ZBTB25: variants seen among roughly 807,000 people sequenced by gnomAD.
ZBTB25 encodes zinc finger and BTB domain containing 25.
A neutral mutation model predicts 34.2 loss-of-function variants in ZBTB25; 20 were observed. The ratio of observed to expected loss-of-function variants is 0.58; its 90% CI spans 0.41 to 0.85. The LOEUF (loss-of-function observed/expected upper bound fraction) is 0.85. ZBTB25 is among the 40% of genes least tolerant of loss of function. ZBTB25 has a pLI of 0.00. For synonymous variants in ZBTB25, 175 were observed against 186.4 expected (o/e 0.94, Z 0.50); for missense variants, 437 against 521.8 (o/e 0.84, Z 1.58).
Position 64,493,795 on chromosome 14 carries a change from GAGA to G in ZBTB25, c.-7-3258_-7-3256del, listed in dbSNP as rs559076467. On this transcript the variant is annotated intron_variant, in intron 1 of 2. Coordinates refer to ENST00000608382, the MANE Select transcript of ZBTB25 (RefSeq NM_006977.5). ...ATAAAGGCAGAGTCCCAGAACATTA[GAGA>G]AGAAGTACAGAAACCGTCTTGATAA... 3.6e-3 allele frequency among the ~76,000 whole-genome samples: 539 copies of G among 150,816 alleles called. 4 individuals are homozygous for G. Among genetic ancestry groups the G allele is most frequent in the South Asian group, 4.6e-3 (22 of 4,802 alleles).
intron 2 of ZBTB25, among the ~76,000 whole-genome samples, chr14:64,466,933 T>C (rs930022766): frequency 2.6e-5 from 4 of 152,194 alleles, no homozygotes; most frequent in African/African-American, 9.7e-5. Context: ...AGTTTGCCAA[T>C]TGCATAGTTT....
chr14:64,453,332 G>A (rs1273284937), intron 2 of ZBTB25, among the ~76,000 whole-genome samples: 1 of 152,068 alleles, frequency 6.6e-6, no homozygotes, highest in Non-Finnish European at 1.5e-5. Flanking sequence ...AGCACTTTGG[G>A]AGGCCAAGGC....
rs2078847749 is a variant in ZBTB25, at chr14:64,485,428, A to C, written c.*1495T>G. On this transcript the variant is annotated 3_prime_UTR_variant, in exon 3 of 3. Transcript: ENST00000608382. ...GGGGTTTGAAATTTAAACATTTCAG[A>C]AACAATTTAGATCTATCCTTTGTGG... 1 of 985,338 alleles carries C rather than the reference A, an allele frequency of 1.0e-6. No individual in the cohort carries two copies. Among genetic ancestry groups the C allele is most frequent in the Non-Finnish European group, 1.2e-6 (1 of 829,928 alleles). The allele number at this position is 985,338 out of a possible 1,614,324, so 61.0% of individuals were successfully genotyped here.
intron 2 of ZBTB25, chr14:64,458,121 C>T: frequency 1.0e-6 from 1 of 1,004,410 alleles, no homozygotes; most frequent in South Asian, 1.3e-5. Context: ...GAACTCCTGG[C>T]CTCAAGTGAT....
intron 1 of ZBTB25, among the ~76,000 whole-genome samples, chr14:64,498,628 A>ATTTATT (rs1252981248): frequency 2.0e-5 from 3 of 148,118 alleles, no homozygotes; most frequent in African/African-American, 7.5e-5. Context: ...TTATTTGTTT[A>ATTTATT]TTTATTTTTA....
intron 2 of ZBTB25, among the ~76,000 whole-genome samples, chr14:64,488,368 G>A (rs555316256): frequency 9.2e-5 from 14 of 151,866 alleles, no homozygotes; most frequent in African/African-American, 3.4e-4. Flanking sequence ...GTAGAAAACT[G>A]ATGAATAAAA....
intron 2 of ZBTB25, chr14:64,469,808 G>A (rs765357574): frequency 4.9e-5 from 33 of 670,400 alleles, no homozygotes; most frequent in Admixed American, 1.1e-4. Flanking sequence ...CAATTCCAGC[G>A]CAGAAGTGCT....
At chr14:64,489,887 T>C (rs960491598) in intron 2 of ZBTB25, among the ~76,000 whole-genome samples, 3 of 151,636 alleles carry the variant, frequency 2.0e-5, no homozygotes, top group Non-Finnish European at 4.4e-5. Flanking sequence ...TCCTACACAC[T>C]GAGTTTAATT....
At chr14:64,468,805 A>C (rs1289643355) in intron 2 of ZBTB25, 2 of 1,614,090 alleles carry the variant, frequency 1.2e-6, no homozygotes, top group Non-Finnish European at 1.7e-6. Flanking sequence ...GAGGGCCAAA[A>C]AGGAGTAATC....
chr14:64,470,712 A>T (rs916742518), intron 2 of ZBTB25: 1 of 166,976 alleles, frequency 6.0e-6, no homozygotes, highest in African/African-American at 2.4e-5. Flanking sequence ...TTCTGCCTCA[A>T]CAGATCTGTA....
Position 64,478,656 on chromosome 14 carries a change from CTGAGA to C in ZBTB25, c.*8262_*8266del, listed in dbSNP as rs1264899456. ...ATGTGATATTTTAAAAAGTTATCTG[CTGAGA>C]TATGTACATGTAAATCAGAAGCATC... is the stretch of plus-strand genomic sequence containing the variant. On this transcript the variant is annotated 3_prime_UTR_variant, in exon 3 of 3. Transcript: ENST00000608382. The C allele has an allele frequency of 2.7e-4, 41 of 152,272 alleles. No homozygotes were observed. Among genetic ancestry groups the C allele is most frequent in the Admixed American group, 1.0e-3 (16 of 15,290 alleles). The allele number at this position is 152,272 out of a possible 1,614,324, so 9.4% of individuals were successfully genotyped here.
intron 2 of ZBTB25, among the ~76,000 whole-genome samples, chr14:64,453,120 T>C (rs189397251): frequency 1.2e-4 from 18 of 152,122 alleles, no homozygotes; most frequent in Non-Finnish European, 1.9e-4. Context: ...AATATGTACT[T>C]ATGTAAGTAT....
At chr14:64,466,880 C>T (rs1015258056) in intron 2 of ZBTB25, among the ~76,000 whole-genome samples, 4 of 152,244 alleles carry the variant, frequency 2.6e-5, no homozygotes, top group African/African-American at 9.6e-5. Flanking sequence ...TGCCATCATA[C>T]CATTCTAAGG....
At chr14:64,504,358 G>C (rs1406917159), upstream of ZBTB25, 1 of 142,192 alleles carries the variant, frequency 7.0e-6, no homozygotes, top group Non-Finnish European at 1.6e-5. Flanking sequence ...CAGCTGCTGG[G>C]CCCAACGGGC....
intron 2 of ZBTB25, among the ~76,000 whole-genome samples, chr14:64,451,805 GAAGTTCTAA>G (rs2078377062): frequency 6.6e-6 from 1 of 152,232 alleles, no homozygotes; most frequent in Non-Finnish European, 1.5e-5. Context: ...TTTTGCTTCA[GAAGTTCTAA>G]ATGTGCCTTG....
chr14:64,454,117 G>A (rs2078424334), intron 2 of ZBTB25, among the ~76,000 whole-genome samples: 1 of 152,098 alleles, frequency 6.6e-6, no homozygotes, highest in Non-Finnish European at 1.5e-5. Flanking sequence ...AACGTCTCCA[G>A]TTTTTGTTAT....
chr14:64,467,026 G>A (rs1284555367), intron 2 of ZBTB25: 2 of 152,166 alleles, frequency 1.3e-5, no homozygotes, highest in African/African-American at 4.8e-5. Flanking sequence ...GTTTTCAAAT[G>A]ACAAGAACTC....
upstream of ZBTB25, chr14:64,504,701 G>C: frequency 2.7e-6 from 1 of 369,118 alleles, no homozygotes; most frequent in Non-Finnish European, 4.8e-6. Flanking sequence ...CAGACCCGGA[G>C]TCGCCGCGTA....
intron 1 of ZBTB25, chr14:64,502,641 A>G: frequency 1.0e-6 from 1 of 985,422 alleles, no homozygotes; most frequent in Non-Finnish European, 1.2e-6. Flanking sequence ...CAAGCCAAGT[A>G]TATATAATGA....
Sources: allele counts gnomAD v4.1 joint callset (sites outside exome capture counted in the v4.1 genomes callset), GRCh38; gene constraint gnomAD v4.1.1; transcripts MANE v1.5; gene names NCBI Gene and HGNC (gene_info 2026-07-23, HGNC 2026-07-21).